Variants in LY6S observed in about 807,000 individuals in gnomAD.
LY6S encodes the protein lymphocyte antigen 6S.
the LY6S span, among the ~76,000 whole-genome samples, chr8:143,071,994 T>A: frequency 6.6e-6 from 1 of 152,178 alleles, no homozygotes; most frequent in Non-Finnish European, 1.5e-5. Context: ...ACATTTACCC[T>A]CTGAAAAGAA....
chr8:143,041,227 C>G, the LY6S span, among the ~76,000 whole-genome samples: 3 of 152,142 alleles, frequency 2.0e-5, no homozygotes, highest in Admixed American at 6.6e-5. Flanking sequence ...TTATTTCATC[C>G]CTTATCTACA....
the LY6S span, among the ~76,000 whole-genome samples, chr8:143,074,648 T>G: frequency 6.6e-6 from 1 of 152,234 alleles, no homozygotes; most frequent in East Asian, 1.9e-4. Flanking sequence ...TCTCATTTCA[T>G]GTATTTACAA....
At chr8:143,064,722 C>G in the LY6S span, among the ~76,000 whole-genome samples, 1 of 152,148 alleles carries the variant, frequency 6.6e-6, no homozygotes, top group Admixed American at 6.5e-5. Context: ...TTTATGATCT[C>G]CAGGAAGAGA....
the LY6S span, among the ~76,000 whole-genome samples, chr8:143,055,630 T>A: frequency 6.6e-6 from 1 of 152,200 alleles, no homozygotes; most frequent in Non-Finnish European, 1.5e-5. Context: ...GTATTTTAAG[T>A]ACCTGGAAAA....
At chr8:143,048,628 C>T in the LY6S span, among the ~76,000 whole-genome samples, 1 of 151,938 alleles carries the variant, frequency 6.6e-6, no homozygotes, top group Non-Finnish European at 1.5e-5. Flanking sequence ...CCACCACGCC[C>T]GGCTAATTTT....
the LY6S span, among the ~76,000 whole-genome samples, chr8:143,069,230 C>A: frequency 6.6e-6 from 1 of 152,230 alleles, no homozygotes; most frequent in Non-Finnish European, 1.5e-5. Context: ...CAGACGCTTC[C>A]GCAGTGAGGG....
the LY6S span, among the ~76,000 whole-genome samples, chr8:143,067,072 G>A: frequency 6.6e-6 from 1 of 152,174 alleles, no homozygotes; most frequent in East Asian, 1.9e-4. Context: ...TAGTGAGTGA[G>A]TTCTCGCTCT....
chr8:143,076,391 G>C, the LY6S span, among the ~76,000 whole-genome samples: 1 of 152,156 alleles, frequency 6.6e-6, no homozygotes, highest in Admixed American at 6.5e-5. Context: ...GGTCTCGCTG[G>C]GGACGCCCAG....
At chr8:143,072,856 G>A in the LY6S span, among the ~76,000 whole-genome samples, 2 of 136,462 alleles carry the variant, frequency 1.5e-5, no homozygotes, top group African/African-American at 5.4e-5. Context: ...CGTCGTCCTC[G>A]TGGTCCCTGT....
the LY6S span, among the ~76,000 whole-genome samples, chr8:143,071,109 TAC>T: frequency 2.0e-5 from 3 of 151,450 alleles, no homozygotes; most frequent in East Asian, 5.9e-4. Flanking sequence ...CGGCATGGAA[TAC>T]AGACTCAGGA....
chr8:143,046,722 G>A, the LY6S span, among the ~76,000 whole-genome samples: 1 of 151,418 alleles, frequency 6.6e-6, no homozygotes, highest in African/African-American at 2.4e-5. Flanking sequence ...GAGTAAGGAT[G>A]GGCCAGGCAT....
At chr8:143,065,783 T>TTCTCTCTCTTTCTTTCTTTC in the LY6S span, 10 of 115,264 alleles carry the variant, frequency 8.7e-5, no homozygotes, top group Admixed American at 2.7e-4. Context: ...CTTTCTTTCT[T>TTCTCTCTCTTTCTTTCTTTC]TTTCTTTCTT....
chr8:143,061,492 G>C, the LY6S span, among the ~76,000 whole-genome samples: 4 of 145,668 alleles, frequency 2.7e-5, no homozygotes, highest in Non-Finnish European at 4.5e-5. Flanking sequence ...TCACACTTAG[G>C]TTTGTTTGTT....
the LY6S span, among the ~76,000 whole-genome samples, chr8:143,064,640 G>A: frequency 2.0e-5 from 3 of 152,290 alleles, no homozygotes; most frequent in East Asian, 3.9e-4. Flanking sequence ...ATTCAAAGGT[G>A]ACCAACAATT....
the LY6S span, among the ~76,000 whole-genome samples, chr8:143,068,217 C>A: frequency 6.6e-6 from 1 of 152,312 alleles, no homozygotes; most frequent in Non-Finnish European, 1.5e-5. Flanking sequence ...TGACTTTTAC[C>A]AAGCATACTG....
the LY6S span, among the ~76,000 whole-genome samples, chr8:143,075,925 C>G: frequency 1.3e-5 from 2 of 152,046 alleles, no homozygotes; most frequent in Non-Finnish European, 2.9e-5. The surrounding 1 kb of genome is among the most constrained non-coding windows in gnomAD (Gnocchi z 4.1). Context: ...GTCACTGATG[C>G]TTTTGTTATG....
the LY6S span, chr8:143,057,215 TA>T: frequency 1.3e-5 from 4 of 297,478 alleles, no homozygotes; most frequent in Non-Finnish European, 2.6e-5. Flanking sequence ...TGTTTGGCTT[TA>T]TAAGCCTTTA....
chr8:143,070,823 C>T, the LY6S span, among the ~76,000 whole-genome samples: 2 of 152,028 alleles, frequency 1.3e-5, no homozygotes, highest in African/African-American at 4.8e-5. Flanking sequence ...TTCATTTCTT[C>T]TCTCACTCCT....
the LY6S span, among the ~76,000 whole-genome samples, chr8:143,074,450 G>A: frequency 1.3e-5 from 2 of 152,028 alleles, no homozygotes; most frequent in African/African-American, 4.8e-5. Context: ...TATATGTTTA[G>A]TCTGCTCTTA....
Sources: gnomAD v4.1 joint callset for allele counts (sites outside exome capture counted in the v4.1 genomes callset) on GRCh38, gnomAD v4.1.1 for gene constraint, Gnocchi (gnomAD v3.1) non-coding constraint, MANE v1.5 for transcripts, NCBI Gene and HGNC (gene_info 2026-07-23, HGNC 2026-07-21) for gene names.